CABIN1: variants seen among roughly 807,000 people sequenced by gnomAD.
CABIN1 encodes calcineurin binding protein 1.
A neutral mutation model predicts 227.7 loss-of-function variants in CABIN1; 133 were observed. The ratio of observed to expected loss-of-function variants is 0.58; its 90% CI spans 0.51 to 0.67. CABIN1 has a LOEUF of 0.67. CABIN1 is among the 30% of genes least tolerant of loss of function. The pLI is 0.00. For missense variants in CABIN1, 2,408 were observed against 2,852.5 expected (o/e 0.84, Z 3.55); for synonymous variants, 1,086 against 1,155.1 (o/e 0.94, Z 1.21).
intron 25 of CABIN1, 54 bp downstream of exon 25, chr22:24,096,136 A>G (rs2041880805): frequency 6.3e-7 from 1 of 1,597,376 alleles, no homozygotes; most frequent in Non-Finnish European, 8.6e-7. Context: ...TGCATCCCAG[A>G]TGGCTCGTTT....
chr22:24,083,265 C>G lies in CABIN1; in HGVS notation c.2786C>G (p.Ser929Cys). The G allele has an allele frequency of 6.2e-7, 1 of 1,613,096 alleles. No homozygotes were observed. ...VLQKELAAST[S>C]EDTHPYKEEL... ...CAGAAGGAACTGGCTGCATCCACCT[C>G]TGAAGACACGCACCCTTACAAGGAG... The change falls in exon 20 of 37, where the codon TCT (serine) becomes TGT (cysteine). Residue 929 changes from serine to cysteine, a missense_variant. By Grantham distance (112) the Ser-to-Cys change is moderately radical. Coordinates refer to ENST00000263119, the MANE Select transcript of CABIN1 (RefSeq NM_012295.4).
rs768845251 is a variant in CABIN1 at position 24,096,083 on chromosome 22, G to A, written c.3938+1G>A. ...AGAACACACCCAAAGCTTCAGAAAA[G>A]TGAGTAGCACCCTTCAGGCGACCCC... On this transcript the variant is annotated splice_donor_variant, in intron 25 of 36. Transcript: ENST00000263119. LOFTEE classifies it high-confidence loss of function. 6.2e-7 allele frequency: 1 copy of A among 1,614,054 alleles called. No homozygotes were observed. The highest frequency in any genetic ancestry group is 8.5e-7 in the Non-Finnish European group (1 of 1,179,972).
At chr22:24,104,694 G>A (rs774102091) in intron 26 of CABIN1, among the ~76,000 whole-genome samples, 2 of 152,202 alleles carry the variant, frequency 1.3e-5, no homozygotes, top group South Asian at 2.1e-4. Flanking sequence ...TGGGCACCCC[G>A]ATTTCCCGGG....
chr22:24,092,687 A>AGTGTGTGTGTGT lies in CABIN1; in HGVS notation c.3786+871_3786+882dup, dbSNP rs3221282. On this transcript the variant is annotated intron_variant, in intron 24 of 36. Coordinates refer to ENST00000263119, the MANE Select transcript of CABIN1 (RefSeq NM_012295.4). The stretch of plus-strand genomic sequence containing the variant: ...TGTGATTTTTTTTCCTGATTATAAA[A>AGTGTGTGTGTGT]GTGTGTGTGTGTGTGTGTGTGTGTG... Among the ~76,000 whole-genome samples, 708 of 138,788 alleles carry AGTGTGTGTGTGT rather than the reference A, an allele frequency of 5.1e-3. 8 individuals are homozygous for AGTGTGTGTGTGT. Among genetic ancestry groups the AGTGTGTGTGTGT allele is most frequent in the African/African-American group, 0.014 (524 of 36,522 alleles). The allele number at this position is 138,788 out of a possible 152,430, so 91.1% of individuals were successfully genotyped here.
intron 1 of CABIN1, among the ~76,000 whole-genome samples, chr22:24,019,540 C>A (rs894113747): frequency 3.3e-5 from 5 of 152,018 alleles, no homozygotes; most frequent in Non-Finnish European, 7.4e-5. Flanking sequence ...CAGGCATGAG[C>A]CACCATGCCC....
Position 24,083,278 on chromosome 22 carries a change from C to A in CABIN1, c.2799C>A (p.His933Gln). 6.2e-7 allele frequency: 1 copy of A among 1,613,334 alleles called. No homozygotes were observed. The highest frequency in any genetic ancestry group is 8.5e-7 in the Non-Finnish European group (1 of 1,180,030). ...ELAASTSEDT[H>Q]PYKEELETAL... ...CTGCATCCACCTCTGAAGACACGCA[C>A]CCTTACAAGGAGGAGCTGGAGACAG... The change falls in exon 20 of 37, where the codon CAC (histidine) becomes CAA (glutamine). Residue 933 changes from histidine to glutamine, a missense_variant. Physicochemically the swap from His to Gln is conservative, Grantham distance 24. Around this residue, in one of 3 missense-constraint regions of CABIN1, gnomAD observed 1,045 missense variants for 1,168.4 expected, o/e 0.89. Transcript: ENST00000263119.
chr22:24,109,092 A>G (rs1873637576), intron 26 of CABIN1, among the ~76,000 whole-genome samples: 1 of 152,224 alleles, frequency 6.6e-6, no homozygotes, highest in Admixed American at 6.5e-5. Flanking sequence ...TGGAAACTGA[A>G]GTATAAATAA....
chr22:24,041,291 C>T lies in CABIN1; in HGVS notation c.345+18C>T. 1 of 1,614,096 alleles carries T rather than the reference C, an allele frequency of 6.2e-7. No homozygotes were observed. Among genetic ancestry groups the T allele is most frequent in the Non-Finnish European group, 8.5e-7 (1 of 1,179,976 alleles). On this transcript the variant is annotated intron_variant, in intron 5 of 36. Transcript: ENST00000263119. The stretch of plus-strand genomic sequence containing the variant: ...ACTTAGAGGTGTGGTTTTGGCAGTG[C>T]TTAGCTACCTTGGTGTTTTGAAAGC...
intron 34 of CABIN1, among the ~76,000 whole-genome samples, chr22:24,173,748 C>T (rs934835350): frequency 6.6e-6 from 1 of 152,122 alleles, no homozygotes; most frequent in South Asian, 2.1e-4. Flanking sequence ...GCAGGAGAAT[C>T]GCTTGAACCC....
chr22:24,036,115 C>T lies in CABIN1; in HGVS notation c.30C>T (p.Ser10=). Reference sequence around the variant, plus strand: ...TTCGAATTGCAGCCTTAAATGCCAGCTCCACCATTGAGGATGATCATGAAG... The same window carrying T: ...TTCGAATTGCAGCCTTAAATGCCAGTTCCACCATTGAGGATGATCATGAAG... MIRIAALNA[S]STIEDDHEGS... is the part of the protein sequence containing the mutation. The change falls in exon 3 of 37, where the codon AGC becomes AGT. Residue 10 remains serine, a synonymous_variant. Transcript: ENST00000263119. 3 of 1,613,928 alleles carry T rather than the reference C, an allele frequency of 1.9e-6. No homozygotes were observed. In the South Asian group the frequency reaches 3.3e-5, roughly 18 times the overall value.
intron 28 of CABIN1, among the ~76,000 whole-genome samples, chr22:24,129,368 C>A (rs1188287044): frequency 6.6e-6 from 1 of 152,152 alleles, no homozygotes; most frequent in Non-Finnish European, 1.5e-5. Context: ...CGGGGGCTGG[C>A]ATTGAAATTT....
intron 24 of CABIN1, among the ~76,000 whole-genome samples, chr22:24,093,749 C>A (rs1229892016): frequency 6.6e-6 from 1 of 151,108 alleles, no homozygotes; most frequent in East Asian, 2.0e-4. Context: ...CCTGGTGGCA[C>A]GCACCTGTAG....
chr22:24,096,438 C>T lies in CABIN1; in HGVS notation c.3938+356C>T, dbSNP rs139585423. Among the ~76,000 whole-genome samples the T allele has an allele frequency of 1.8e-4, 27 of 152,334 alleles. No individual in the cohort carries two copies. In the East Asian group the frequency reaches 5.0e-3, roughly 28 times the overall value. On this transcript the variant is annotated intron_variant, in intron 25 of 36. Transcript: ENST00000263119. ...TCAGTTTTTGCTTTGCAGACTCTCA[C>T]CCCTGGGTCCTTTGCCAAGGCCTTG...
chr22:24,171,588 G>A, intron 33 of CABIN1, 125 bp from the exon 34 acceptor site: 1 of 1,076,758 alleles, frequency 9.3e-7, no homozygotes, highest in Non-Finnish European at 1.4e-6. Context: ...GTGCCATATG[G>A]GCAGTGTTGG....
intron 1 of CABIN1, among the ~76,000 whole-genome samples, chr22:24,023,140 ACAATATTTGTACTTTTG>A (rs2035842957): frequency 6.6e-6 from 1 of 152,212 alleles, no homozygotes; most frequent in African/African-American, 2.4e-5. Flanking sequence ...TGTATATCAA[ACAATATTTGTACTTTTG>A]TATATGGCCT....
intron 1 of CABIN1, among the ~76,000 whole-genome samples, chr22:24,025,379 C>T (rs972528270): frequency 2.6e-5 from 4 of 152,098 alleles, no homozygotes; most frequent in African/African-American, 9.7e-5. Flanking sequence ...TGATAGAAGC[C>T]ACCTGTGAAA....
chr22:24,120,093 G>A (rs1377549151), intron 28 of CABIN1, among the ~76,000 whole-genome samples: 2 of 152,180 alleles, frequency 1.3e-5, no homozygotes, highest in Admixed American at 6.5e-5. Context: ...CGTCTTCCAG[G>A]TGCCCTAGGG....
At chr22:24,176,645 C>T (rs1449997318) in intron 35 of CABIN1, among the ~76,000 whole-genome samples, 1 of 152,196 alleles carries the variant, frequency 6.6e-6, no homozygotes, top group Admixed American at 6.5e-5. Context: ...GAGCATGGGC[C>T]TGGTGACAGA....
chr22:24,150,414 C>T lies in CABIN1; in HGVS notation c.4747-13986C>T, dbSNP rs146984052. ...GAAAACCAAGAGAGGCAGTTTGCAG[C>T]GTGAGGGTCCCTCATGGGGTGGAGG... On this transcript the variant is annotated intron_variant, in intron 29 of 36. Coordinates refer to ENST00000263119, the MANE Select transcript of CABIN1 (RefSeq NM_012295.4). Among the ~76,000 whole-genome samples the T allele has an allele frequency of 6.9e-4, 105 of 152,248 alleles. 1 individual carries two copies. In the Middle Eastern group the frequency reaches 0.01, roughly 15 times the overall value.
Sources: allele counts gnomAD v4.1 joint callset (sites outside exome capture counted in the v4.1 genomes callset), GRCh38; gene constraint gnomAD v4.1.1; regional missense constraint gnomAD v4.1.1; transcripts MANE v1.5; gene names NCBI Gene and HGNC (gene_info 2026-07-23, HGNC 2026-07-21).